ABCC3: variants seen among roughly 807,000 people sequenced by gnomAD.
ABCC3 encodes ATP-binding cassette sub-family C member 3.
In ABCC3, 121 loss-of-function variants were observed where a neutral mutation model predicts 165.3. The observed-to-expected ratio is 0.73, with a 90% CI of 0.63 to 0.85. The LOEUF is 0.85. Among genes scored for constraint, ABCC3 ranks in the 40% least tolerant of loss-of-function variants. The probability of loss-of-function intolerance (pLI) is 0.00; values close to 1 mark genes in which losing one functional copy is unlikely to be tolerated. For missense variants in ABCC3, 1,869 were observed against 1,964.1 expected (o/e 0.95, Z 0.92); for synonymous variants, 733 against 810.1 (o/e 0.90, Z 1.62).
intron 19 of ABCC3, among the ~76,000 whole-genome samples, chr17:50,673,944 CTT>C (rs1967714099): frequency 6.0e-5 from 1 of 16,592 alleles, no homozygotes; most frequent in African/African-American, 2.8e-4. Flanking sequence ...TTCTTTCTTT[CTT>C]TCTTTCTTTC....
chr17:50,687,811 A>G (rs1968050964), intron 30 of ABCC3, 81 bp downstream of exon 30: 5 of 1,411,404 alleles, frequency 3.5e-6, no homozygotes, highest in Non-Finnish European at 5.0e-6. Context: ...GATTAGGGTT[A>G]TCTGAACAAG....
intron 14 of ABCC3, 144 bp from the exon 15 acceptor site, chr17:50,668,709 C>A: frequency 1.2e-6 from 1 of 805,192 alleles, no homozygotes; most frequent in South Asian, 1.6e-5. Context: ...CCCCACATCC[C>A]TTTCTTCCTC....
Position 50,676,045 on chromosome 17 carries a change from A to G in ABCC3, c.3022A>G (p.Thr1008Ala). 2.5e-6 allele frequency: 4 copies of G among 1,614,088 alleles called. No homozygotes were observed. In the African/African-American group the frequency reaches 5.3e-5, roughly 22 times the overall value. The change falls in exon 22 of 31, where the codon ACT (threonine) becomes GCT (alanine). Residue 1008 changes from threonine (T) to alanine (A), a missense_variant. Thr to Ala is a moderately conservative substitution (Grantham distance 58, BLOSUM62 0). Coordinates refer to ENST00000285238, the MANE Select transcript of ABCC3 (RefSeq NM_003786.4). ...CATGGCAGACAGTAGACAGAACAAC[A>G]CTTCCCTGAGGCTGGGCGTCTATGC... ...DAMADSRQNNTSLRLGVYAAL... is the reference protein window; with the variant it reads ...DAMADSRQNNASLRLGVYAAL...
chr17:50,634,931 G>A lies in ABCC3; in HGVS notation c.-6G>A. The A allele has an allele frequency of 8.0e-7, 1 of 1,255,710 alleles. No homozygotes were observed. The highest frequency in any genetic ancestry group is 1.0e-6 in the Non-Finnish European group (1 of 998,414). The allele number at this position is 1,255,710 out of a possible 1,614,324, so 77.8% of individuals were successfully genotyped here. A position where few individuals can be genotyped will look rare whatever the true frequency, so the allele number is the denominator to read the frequency against. Reference sequence around the variant, plus strand: ...CTCGCCTTCCTTGCAGCCGCGCCTCGGCCCCATGGACGCCCTGTGCGGTTC... The same window carrying A: ...CTCGCCTTCCTTGCAGCCGCGCCTCAGCCCCATGGACGCCCTGTGCGGTTC... On this transcript the variant is annotated 5_prime_UTR_variant, in exon 1 of 31. Transcript: ENST00000285238.
At chr17:50,649,714 AAAG>A (rs1446556720) in intron 1 of ABCC3, among the ~76,000 whole-genome samples, 2 of 151,172 alleles carry the variant, frequency 1.3e-5, no homozygotes, top group East Asian at 1.9e-4. Flanking sequence ...GAAGGGAAAG[AAAG>A]AAGGAAGGAA....
Position 50,691,170 on chromosome 17 carries a change from C to T in ABCC3, c.4554C>T (p.Tyr1518=), listed in dbSNP as rs146957828. The T allele has an allele frequency of 4.0e-5, 64 of 1,613,968 alleles. No individual in the cohort carries two copies. Among genetic ancestry groups the T allele is most frequent in the Non-Finnish European group, 5.0e-5 (59 of 1,179,920 alleles). ...TCATTGCAGCTAGAGGCATCTTCTA[C>T]GGGATGGCCAGAGATGCTGGACTTG... The part of the protein sequence containing the change: ...ANLIAARGIF[Y]GMARDAGLA Residue 1518 remains tyrosine, a synonymous_variant, in exon 31 of 31, where the codon TAC becomes TAT. Transcript: ENST00000285238.
rs1209227862 is a variant in ABCC3 at position 50,675,943 on chromosome 17, A to G, written c.2920A>G (p.Ile974Val). Residue 974 changes from isoleucine to valine, a missense_variant, in exon 22 of 31, where the codon ATC (isoleucine) becomes GTC (valine). By Grantham distance (29) the Ile-to-Val change is conservative (BLOSUM62 3). Transcript: ENST00000285238. ...KAVGLCTTLA[I>V]CLLYVGQSAA... ...CGTGGGGCTCTGTACCACGCTGGCC[A>G]TCTGTCTCCTGTATGTGGGTCAAAG... 1 of 1,614,038 alleles carries G rather than the reference A, an allele frequency of 6.2e-7. No homozygotes were observed. The highest frequency in any genetic ancestry group is 1.3e-5 in the African/African-American group (1 of 74,912).
intron 8 of ABCC3, among the ~76,000 whole-genome samples, chr17:50,662,493 C>G (rs1035506722): frequency 6.6e-6 from 1 of 151,906 alleles, no homozygotes; most frequent in Non-Finnish European, 1.5e-5. Flanking sequence ...AAGATATTAG[C>G]CAGGCCTGGT....
At chr17:50,676,635 G>A (rs76521597) in intron 23 of ABCC3, 47 bp downstream of exon 23, 53,307 of 1,521,868 alleles carry the variant, frequency 0.035, 1,246 homozygotes, top group Non-Finnish European at 0.041. Context: ...TTATTGGGGC[G>A]GGGCAACACA....
chr17:50,648,283 C>T (rs961024972), intron 1 of ABCC3, among the ~76,000 whole-genome samples: 1 of 152,134 alleles, frequency 6.6e-6, no homozygotes, highest in Non-Finnish European at 1.5e-5. Context: ...AACCAAAGGC[C>T]ATTTGGAGTC....
At chr17:50,645,896 T>C (rs150955967) in intron 1 of ABCC3, among the ~76,000 whole-genome samples, 163 of 152,346 alleles carry the variant, frequency 1.1e-3, no homozygotes, top group African/African-American at 3.7e-3. Context: ...TCAATAAATA[T>C]TTGATTTATT....
At position 50,677,871 on chromosome 17, in the gene ABCC3, AT is replaced by A; in HGVS notation, c.3510del (p.Phe1170LeufsTer26). 6.2e-7 allele frequency: 1 copy of A among 1,614,046 alleles called. No homozygotes were observed. Among genetic ancestry groups the A allele is most frequent in the Non-Finnish European group, 8.5e-7 (1 of 1,180,008 alleles). ...ATCCGGGCCTACAACCGCAGCCGGGATTTTGAGATCATCAGTGATACTAAGG... is the reference window on the plus strand; with the variant it reads ...ATCCGGGCCTACAACCGCAGCCGGGATTTGAGATCATCAGTGATACTAAGG... ...SVIRAYNRSR[D>X]FEIISDTKVD... On this transcript the variant is annotated frameshift_variant, in exon 24 of 31. Coordinates refer to ENST00000285238, the MANE Select transcript of ABCC3 (RefSeq NM_003786.4). LOFTEE classifies it high-confidence loss of function.
chr17:50,666,439 C>A (rs1210941571), intron 11 of ABCC3, among the ~76,000 whole-genome samples: 2 of 152,132 alleles, frequency 1.3e-5, no homozygotes, highest in African/African-American at 4.8e-5. Context: ...CCATTGCACT[C>A]CCACCTGGGC....
At position 50,673,982 on chromosome 17, in the gene ABCC3, C is replaced by CTTTT. The variant is rs1967727716; in HGVS notation, c.2599+325_2599+326insTTTT. On this transcript the variant is annotated intron_variant, in intron 19 of 30. Transcript: ENST00000285238. Reference sequence around the variant, plus strand: ...TTTCTTTCTTTCTTTCTTTCTTTCTCTCTCTCTCTCTCTCTCTCTCTCTCT... The same window carrying CTTTT: ...TTTCTTTCTTTCTTTCTTTCTTTCTCTTTTTCTCTCTCTCTCTCTCTCTCTCTCT... 2.0e-4 allele frequency among the ~76,000 whole-genome samples: 3 copies of CTTTT among 14,682 alleles called. 1 individual carries two copies. The highest frequency in any genetic ancestry group is 1.0e-3 in the African/African-American group (3 of 2,998). 9.6% of individuals were successfully genotyped at this position (14,682 alleles called of 152,430 possible). A position where few individuals can be genotyped will look rare whatever the true frequency, so the allele number is the denominator to read the frequency against.
chr17:50,669,225 C>T lies in ABCC3; in HGVS notation c.2023C>T (p.Leu675=), dbSNP rs778822631. Reference sequence around the variant, plus strand: ...GAAGTCCTCCCTGGTGTCTGCCCTGCTGGGAGAGATGGAGAAGCTAGAAGG... The same window carrying T: ...GAAGTCCTCCCTGGTGTCTGCCCTGTTGGGAGAGATGGAGAAGCTAGAAGG... ...CGKSSLVSAL[L]GEMEKLEGKV... is the part of the protein sequence containing the mutation. The change falls in exon 16 of 31, where the codon CTG becomes TTG. Residue 675 remains leucine (L), a synonymous_variant. Transcript: ENST00000285238. The T allele has an allele frequency of 1.2e-6, 2 of 1,613,616 alleles. No homozygotes were observed. Among genetic ancestry groups the T allele is most frequent in the Non-Finnish European group, 1.7e-6 (2 of 1,179,850 alleles).
Position 50,689,376 on chromosome 17 carries a change from T to C in ABCC3, c.4475+1646T>C, listed in dbSNP as rs546239749. 1.3e-4 allele frequency among the ~76,000 whole-genome samples: 20 copies of C among 152,220 alleles called. No homozygotes were observed. The East Asian group carries it at 3.3e-3, about 25-fold the overall frequency. ...TCCCTCATTGTGCCAGATGTCAAAGTGTGGTGCTGGAGGTCGAGGAGAGAG... is the reference window on the plus strand; with the variant it reads ...TCCCTCATTGTGCCAGATGTCAAAGCGTGGTGCTGGAGGTCGAGGAGAGAG... On this transcript the variant is annotated intron_variant, in intron 30 of 30. Coordinates refer to ENST00000285238, the MANE Select transcript of ABCC3 (RefSeq NM_003786.4).
intron 1 of ABCC3, among the ~76,000 whole-genome samples, chr17:50,650,369 A>G (rs1235853823): frequency 6.6e-6 from 1 of 152,174 alleles, no homozygotes; most frequent in Non-Finnish European, 1.5e-5. Flanking sequence ...TGCCTCCCAA[A>G]GTCCTGGGAT....
chr17:50,644,731 A>G (rs1440003338), intron 1 of ABCC3, among the ~76,000 whole-genome samples: 2 of 148,798 alleles, frequency 1.3e-5, no homozygotes, highest in East Asian at 4.0e-4. Context: ...ACAAAACAAA[A>G]ACCAAGGCCG....
intron 1 of ABCC3, among the ~76,000 whole-genome samples, chr17:50,653,580 A>C (rs949813617): frequency 6.7e-6 from 1 of 149,096 alleles, no homozygotes; most frequent in Admixed American, 6.8e-5. Flanking sequence ...ATGAAACCCC[A>C]TTTCTACTAA....
Sources: allele counts gnomAD v4.1 joint callset (sites outside exome capture counted in the v4.1 genomes callset), GRCh38; gene constraint gnomAD v4.1.1; transcripts MANE v1.5; gene names NCBI Gene and HGNC (gene_info 2026-07-23, HGNC 2026-07-21).